FBXL16: variants seen among roughly 807,000 people sequenced by gnomAD.
The protein encoded by FBXL16 is F-box/LRR-repeat protein 16.
FBXL16 carries 7 observed loss-of-function variants against 36.7 expected under a neutral mutation model. That is an observed-to-expected ratio of 0.19 (90% CI 0.11 to 0.36). FBXL16 has a LOEUF of 0.36. FBXL16 is among the 10% of genes least tolerant of loss of function. FBXL16 has a pLI of 1.00. For synonymous variants in FBXL16, 355 were observed against 308.7 expected (o/e 1.15, Z -1.57); for missense variants, 463 against 659.4 (o/e 0.70, Z 3.26).
At position 694,081 on chromosome 16, in the gene FBXL16, C is replaced by T. The variant is rs2039991582; in HGVS notation, c.*194G>A. On this transcript the variant is annotated 3_prime_UTR_variant, in exon 6 of 6. Coordinates refer to ENST00000397621, the MANE Select transcript of FBXL16 (RefSeq NM_153350.4). Reference sequence around the variant, plus strand: ...GGCGGGCCCACCCGCCGCCCCCCTGCCCGGGGCGGGGCTGGGAGGGCGGAG... The same window carrying T: ...GGCGGGCCCACCCGCCGCCCCCCTGTCCGGGGCGGGGCTGGGAGGGCGGAG... 2 of 278,188 alleles carry T rather than the reference C, an allele frequency of 7.2e-6. No individual in the cohort carries two copies. The highest frequency in any genetic ancestry group is 2.2e-5 in the African/African-American group (1 of 44,690). The allele number at this position is 278,188 out of a possible 1,614,324, so 17.2% of individuals were successfully genotyped here.
At chr16:695,322 C>G in intron 3 of FBXL16, 93 bp downstream of exon 3, 2 of 1,073,232 alleles carry the variant, frequency 1.9e-6, no homozygotes, top group Non-Finnish European at 2.3e-6. Context: ...CCGCCGGAAG[C>G]CCCCGCCCCC....
At chr16:702,173 C>G (rs544955080) in intron 1 of FBXL16, among the ~76,000 whole-genome samples, 1 of 152,142 alleles carries the variant, frequency 6.6e-6, no homozygotes, top group African/African-American at 2.4e-5. Context: ...TCACTGAGCC[C>G]GGAGACCTCA....
Position 694,207 on chromosome 16 carries a change from C to T in FBXL16, c.*68G>A, listed in dbSNP as rs1053798178. On this transcript the variant is annotated 3_prime_UTR_variant, in exon 6 of 6. Transcript: ENST00000397621. The stretch of plus-strand genomic sequence containing the variant: ...CCGAGCGCAAGGCGGGAAGAGGGGG[C>T]TCGGCGGCGCCCCGCGCCCCCGCCC... 2.6e-6 allele frequency: 3 copies of T among 1,146,542 alleles called. No individual in the cohort carries two copies. The highest frequency in any genetic ancestry group is 3.3e-6 in the Non-Finnish European group (3 of 904,076). The allele number at this position is 1,146,542 out of a possible 1,614,324, so 71.0% of individuals were successfully genotyped here. A position where few individuals can be genotyped will look rare whatever the true frequency, so the allele number is the denominator to read the frequency against.
At chr16:703,501 G>A (rs951213625) in intron 1 of FBXL16, among the ~76,000 whole-genome samples, 1 of 152,214 alleles carries the variant, frequency 6.6e-6, no homozygotes, top group Admixed American at 6.5e-5. Context: ...AATGCACATC[G>A]GGCTCCATCT....
In FBXL16 at chr16:697,289, C is replaced by A. The variant is rs767753989; in HGVS notation, c.117G>T (p.Thr39=). 6.5e-7 allele frequency: 1 copy of A among 1,527,702 alleles called. No individual in the cohort carries two copies. Among genetic ancestry groups the A allele is most frequent in the Non-Finnish European group, 8.8e-7 (1 of 1,142,824 alleles). 94.6% of individuals were successfully genotyped at this position (1,527,702 alleles called of 1,614,324 possible). The part of the protein sequence containing the change: ...GLGAASITKG[T]PATKNRPCQP... ...GGCAGGGGCGGTTCTTGGTGGCTGG[C>A]GTGCCCTTGGTGATGCTGGCCGCAC... Residue 39 remains threonine, a synonymous_variant, in exon 2 of 6, where the codon ACG becomes ACT. Transcript: ENST00000397621. The surrounding 1 kb of genome is among the most constrained non-coding windows in gnomAD (Gnocchi z 4.6).
Position 697,676 on chromosome 16 carries a change from C to T in FBXL16, c.-14-257G>A, listed in dbSNP as rs953477488. 6.6e-6 allele frequency among the ~76,000 whole-genome samples: 1 copy of T among 152,266 alleles called. No homozygotes were observed. The highest frequency in any genetic ancestry group is 1.9e-4 in the East Asian group (1 of 5,166). On this transcript the variant is annotated intron_variant, in intron 1 of 5. Transcript: ENST00000397621. The surrounding 1 kb of genome is among the most constrained non-coding windows in gnomAD (Gnocchi z 4.6). ...GCCCAACCTTCATTGCCCATGGACACCCTCTTTTTCTTTTGTTTTTTTTCT... is the reference window on the plus strand; with the variant it reads ...GCCCAACCTTCATTGCCCATGGACATCCTCTTTTTCTTTTGTTTTTTTTCT...
At chr16:700,744 C>T (rs2040049659) in intron 1 of FBXL16, among the ~76,000 whole-genome samples, 2 of 152,206 alleles carry the variant, frequency 1.3e-5, no homozygotes, top group African/African-American at 4.8e-5. Context: ...CCAGGGACGC[C>T]TGGGCCTCCG....
At position 695,845 on chromosome 16, in the gene FBXL16, AC is replaced by A; in HGVS notation, c.711del (p.Trp237CysfsTer4). The A allele has an allele frequency of 6.2e-7, 1 of 1,605,608 alleles. No individual in the cohort carries two copies. The highest frequency in any genetic ancestry group is 8.5e-7 in the Non-Finnish European group (1 of 1,175,018). On this transcript the variant is annotated frameshift_variant, in exon 3 of 6. Transcript: ENST00000397621. LOFTEE classifies it high-confidence loss of function. ...GCNDFTEAGLWSSLSARITSL... is the reference protein window; with the variant it reads ...GCNDFTEAGLXSSLSARITSL... ...GAGGTGATGCGCGCGCTCAGGCTGG[AC>A]CACAGCCCGGCCTCGGTGAAGTCGT...
Position 693,448 on chromosome 16 carries a change from C to G in FBXL16, c.*827G>C, listed in dbSNP as rs1047900108. The G allele has an allele frequency of 6.6e-6, 1 of 152,486 alleles. No individual in the cohort carries two copies. Among genetic ancestry groups the G allele is most frequent in the African/African-American group, 2.4e-5 (1 of 41,450 alleles). 9.4% of individuals were successfully genotyped at this position (152,486 alleles called of 1,614,324 possible). A position where few individuals can be genotyped will look rare whatever the true frequency, so the allele number is the denominator to read the frequency against. On this transcript the variant is annotated 3_prime_UTR_variant, in exon 6 of 6. Transcript: ENST00000397621. ...GCTACAGCTCGAGGCTTGCAAGGTG[C>G]CTGCGCCACCCCTGGGTTGAGGCCG...
chr16:702,806 G>A (rs1287173124), intron 1 of FBXL16, among the ~76,000 whole-genome samples: 1 of 152,166 alleles, frequency 6.6e-6, no homozygotes, highest in Non-Finnish European at 1.5e-5. Context: ...CAGAGCCTTC[G>A]GATGAGGAGG....
chr16:704,817 G>A (rs116082503), intron 1 of FBXL16, among the ~76,000 whole-genome samples: 3,290 of 152,336 alleles, frequency 0.022, 121 homozygotes, highest in African/African-American at 0.076. Context: ...GCCTGGAGTG[G>A]CCGCTGGGCC....
chr16:695,151 C>T, intron 3 of FBXL16, 75 bp from the exon 4 acceptor site: 1 of 1,470,198 alleles, frequency 6.8e-7, no homozygotes, highest in South Asian at 1.2e-5. Flanking sequence ...CTGGGAGTGC[C>T]CCTGGCGTGA....
intron 1 of FBXL16, among the ~76,000 whole-genome samples, chr16:700,408 C>T (rs1162717912): frequency 6.6e-6 from 1 of 152,062 alleles, no homozygotes; most frequent in Non-Finnish European, 1.5e-5. Flanking sequence ...GCGCGGCCTC[C>T]GGAGGCCGAC....
rs1366015730 is a variant in FBXL16 at position 694,689 on chromosome 16, G to T, written c.1236C>A (p.Asp412Glu). 6.2e-7 allele frequency: 1 copy of T among 1,606,862 alleles called. No individual in the cohort carries two copies. Among genetic ancestry groups the T allele is most frequent in the Non-Finnish European group, 8.5e-7 (1 of 1,177,012 alleles). ...LYLRWCCQVQDFGLKHLLALG... is the reference protein window; with the variant it reads ...LYLRWCCQVQEFGLKHLLALG... ...GGGCCAGGAGGTGCTTCAGCCCGAA[G>T]TCTTGCACCTGTCGGGAGTGGAGGA... Residue 412 changes from aspartate (D) to glutamate (E), a missense_variant, in exon 5 of 6, where the codon GAC becomes GAA. By Grantham distance (45) the Asp-to-Glu change is conservative. Transcript: ENST00000397621.
At chr16:702,027 C>A (rs761397839) in intron 1 of FBXL16, among the ~76,000 whole-genome samples, 3 of 152,142 alleles carry the variant, frequency 2.0e-5, no homozygotes, top group Non-Finnish European at 4.4e-5. Context: ...AGCGTGTGGC[C>A]AGAGTGAGCC....
rs1238263851 is a variant in FBXL16, at chr16:694,657, C to G, written c.1268G>C (p.Ser423Thr). Residue 423 changes from serine to threonine, a missense_variant, in exon 5 of 6, where the codon AGT (serine) becomes ACT (threonine). Physicochemically the swap from Ser to Thr is moderately conservative, Grantham distance 58. Transcript: ENST00000397621. ...ACCTGCCAGAGACAGGAGGCGCAAACTCCCCAGGGCCAGGAGGTGCTTCAG... is the reference window on the plus strand; with the variant it reads ...ACCTGCCAGAGACAGGAGGCGCAAAGTCCCCAGGGCCAGGAGGTGCTTCAG... The part of the protein sequence containing the change: ...FGLKHLLALG[S>T]LRLLSLAGCP... 6.2e-7 allele frequency: 1 copy of G among 1,610,080 alleles called. No individual in the cohort carries two copies. Among genetic ancestry groups the G allele is most frequent in the Non-Finnish European group, 8.5e-7 (1 of 1,178,606 alleles).
In FBXL16 at chr16:697,530, C is replaced by T. The variant is rs1034509879; in HGVS notation, c.-14-111G>A. 7.7e-7 allele frequency: 1 copy of T among 1,292,426 alleles called. No individual in the cohort carries two copies. Among genetic ancestry groups the T allele is most frequent in the Non-Finnish European group, 1.0e-6 (1 of 972,840 alleles). The allele number at this position is 1,292,426 out of a possible 1,614,324, so 80.1% of individuals were successfully genotyped here. On this transcript the variant is annotated intron_variant, in intron 1 of 5. Transcript: ENST00000397621. This position sits in a 1 kb window ranked among gnomAD's most constrained non-coding sequence, Gnocchi z 4.6. ...CCTCCTTGGGCGTCCCTATGGTGCT[C>T]CCAGAACCACCAGACAGAGAGGATG...
In FBXL16 at chr16:695,729, C is replaced by T. The variant is rs1181606037; in HGVS notation, c.828G>A (p.Gln276=). The part of the protein sequence containing the change: ...LLPNLAELSL[Q]AYHVTDTALA... Reference sequence around the variant, plus strand: ...GCGCCGTGTCCGTCACGTGGTAGGCCTGCAGGCTCAGCTCCGCCAGGTTGG... The same window carrying T: ...GCGCCGTGTCCGTCACGTGGTAGGCTTGCAGGCTCAGCTCCGCCAGGTTGG... The change falls in exon 3 of 6, where the codon CAG becomes CAA. Residue 276 remains glutamine (Q), a synonymous_variant. Coordinates refer to ENST00000397621, the MANE Select transcript of FBXL16 (RefSeq NM_153350.4). 6.2e-7 allele frequency: 1 copy of T among 1,603,584 alleles called. No homozygotes were observed. The highest frequency in any genetic ancestry group is 1.1e-5 in the South Asian group (1 of 90,988).
intron 1 of FBXL16, among the ~76,000 whole-genome samples, chr16:701,301 T>C (rs1004172714): frequency 3.7e-4 from 56 of 152,292 alleles, no homozygotes; most frequent in African/African-American, 1.3e-3. Context: ...GCTCTGCCTG[T>C]GGTCAGCCCT....
Sources: allele counts gnomAD v4.1 joint callset (sites outside exome capture counted in the v4.1 genomes callset), GRCh38; gene constraint gnomAD v4.1.1; non-coding constraint Gnocchi (gnomAD v3.1); transcripts MANE v1.5; gene names NCBI Gene and HGNC (gene_info 2026-07-23, HGNC 2026-07-21).